Variants in ADAMTS12 observed in about 807,000 individuals in gnomAD.
ADAMTS12 encodes the protein ADAM metallopeptidase with thrombospondin type 1 motif 12.
Under a neutral mutation model 167.8 loss-of-function variants are expected in ADAMTS12, and 118 were observed. The ratio of observed to expected loss-of-function variants is 0.70; its 90% CI spans 0.61 to 0.82. The LOEUF (loss-of-function observed/expected upper bound fraction) is 0.82, where lower values mean the gene tolerates loss of function less well. ADAMTS12 is among the 40% of genes least tolerant of loss of function. The pLI is 0.00. For missense variants in ADAMTS12, 1,916 were observed against 1,998.8 expected, an observed-to-expected ratio of 0.96 and a Z score of 0.79; for synonymous variants, 704 against 716.9, an observed-to-expected ratio of 0.98 and a Z score of 0.29.
intron 2 of ADAMTS12, among the ~76,000 whole-genome samples, chr5:33,773,103 A>G (rs911389207): frequency 3.3e-5 from 5 of 152,136 alleles, no homozygotes; most frequent in Admixed American, 3.3e-4. Flanking sequence ...TGAACACATG[A>G]GCTGTTCTTG....
chr5:33,720,284 TCACACACACA>T (rs3071626), intron 3 of ADAMTS12, among the ~76,000 whole-genome samples: 1 of 147,800 alleles, frequency 6.8e-6, no homozygotes. Flanking sequence ...TCTCTCTCAC[TCACACACACA>T]CACACACACA....
intron 2 of ADAMTS12, among the ~76,000 whole-genome samples, chr5:33,788,387 G>C (rs899739631): frequency 6.6e-6 from 1 of 151,962 alleles, no homozygotes; most frequent in East Asian, 1.9e-4. Flanking sequence ...TGTACCAAGA[G>C]GGAACGAAAG....
At chr5:33,690,074 G>T (rs561716833) in intron 3 of ADAMTS12, among the ~76,000 whole-genome samples, 80 of 152,316 alleles carry the variant, frequency 5.3e-4, no homozygotes, top group African/African-American at 1.7e-3. Context: ...CCACACACTT[G>T]CACCCAGATC....
At chr5:33,731,405 C>T (rs1281984914) in intron 3 of ADAMTS12, among the ~76,000 whole-genome samples, 1 of 152,190 alleles carries the variant, frequency 6.6e-6, no homozygotes, top group African/African-American at 2.4e-5. Context: ...GCCATGTACA[C>T]AGCACAGGAG....
chr5:33,852,655 G>A (rs1411048284), intron 2 of ADAMTS12, among the ~76,000 whole-genome samples: 3 of 152,144 alleles, frequency 2.0e-5, no homozygotes, highest in African/African-American at 7.2e-5. Flanking sequence ...TTAGAGAAAC[G>A]GTCTGGTAGG....
intron 7 of ADAMTS12, among the ~76,000 whole-genome samples, chr5:33,650,610 T>C (rs976325722): frequency 7.9e-5 from 12 of 152,244 alleles, no homozygotes; most frequent in African/African-American, 2.7e-4. Context: ...TGTCACTTGG[T>C]CTGTTCCCTG....
At chr5:33,595,128 CCTT>C (rs1194906885) in intron 17 of ADAMTS12, among the ~76,000 whole-genome samples, 1 of 152,010 alleles carries the variant, frequency 6.6e-6, no homozygotes, top group Non-Finnish European at 1.5e-5. Flanking sequence ...TTCTTCTTCT[CCTT>C]CTTCCTCCTT....
intron 2 of ADAMTS12, among the ~76,000 whole-genome samples, chr5:33,865,601 C>T (rs1433588128): frequency 6.6e-6 from 1 of 152,114 alleles, no homozygotes; most frequent in Non-Finnish European, 1.5e-5. Flanking sequence ...CAACATACTA[C>T]TGGAAGTCCT....
chr5:33,882,127 A>C (rs916720026), intron 1 of ADAMTS12, among the ~76,000 whole-genome samples: 2 of 152,142 alleles, frequency 1.3e-5, no homozygotes. Context: ...AGAAAGACAA[A>C]TCACAGAGCT....
intron 3 of ADAMTS12, among the ~76,000 whole-genome samples, chr5:33,710,552 G>T (rs74926348): frequency 0.026 from 4,034 of 152,240 alleles, 171 homozygotes; most frequent in African/African-American, 0.091. Flanking sequence ...AAATGGAGAA[G>T]ATATCAGTGA....
At chr5:33,557,773 G>C (rs1424584706) in intron 20 of ADAMTS12, among the ~76,000 whole-genome samples, 1 of 152,130 alleles carries the variant, frequency 6.6e-6, no homozygotes, top group Non-Finnish European at 1.5e-5. Context: ...TGCACAGCAG[G>C]AGGTGAGCAT....
At chr5:33,775,447 C>T (rs1745882287) in intron 2 of ADAMTS12, among the ~76,000 whole-genome samples, 1 of 152,092 alleles carries the variant, frequency 6.6e-6, no homozygotes. Flanking sequence ...AGGAATAAAT[C>T]ATGTTTAATT....
At chr5:33,698,432 A>G (rs1363186901) in intron 3 of ADAMTS12, among the ~76,000 whole-genome samples, 1 of 152,186 alleles carries the variant, frequency 6.6e-6, no homozygotes, top group East Asian at 1.9e-4. Flanking sequence ...TTCCCAGAAT[A>G]AAAATATAAA....
At chr5:33,624,065 C>T (rs761663213) in intron 14 of ADAMTS12, among the ~76,000 whole-genome samples, 166 bp downstream of exon 14, 49 of 152,260 alleles carry the variant, frequency 3.2e-4, no homozygotes, top group Non-Finnish European at 1.9e-4. Context: ...CTACAACTGC[C>T]GAAGAACCCT....
At chr5:33,705,680 G>C (rs770656200) in intron 3 of ADAMTS12, among the ~76,000 whole-genome samples, 4 of 151,932 alleles carry the variant, frequency 2.6e-5, no homozygotes, top group Non-Finnish European at 5.9e-5. Context: ...CGTGGTGCTG[G>C]GCACCTGTAG....
rs1739538337 is a variant in ADAMTS12, at chr5:33,625,387, G to A, written c.2023-1036C>T. On this transcript the variant is annotated intron_variant, in intron 13 of 23. Coordinates refer to ENST00000504830, the MANE Select transcript of ADAMTS12 (RefSeq NM_030955.4). ...GGAAACAGGTGCCTTTAGTGACTAT[G>A]AGTAAAATGCCAGCCCTTCACAAGC... 2.0e-5 allele frequency among the ~76,000 whole-genome samples: 3 copies of A among 151,996 alleles called. No individual in the cohort carries two copies. The South Asian group carries it at 6.2e-4, about 32-fold the overall frequency.
Position 33,885,872 on chromosome 5 carries a change from G to A in ADAMTS12, c.128-4392C>T, listed in dbSNP as rs116813927. Among the ~76,000 whole-genome samples the A allele has an allele frequency of 6.7e-3, 1,020 of 152,302 alleles. 11 individuals are homozygous for A. The highest frequency in any genetic ancestry group is 0.023 in the African/African-American group (965 of 41,554). Reference sequence around the variant, plus strand: ...GTGTTAGCAGGAGGCAAGGATGTGAGAAAAAGCAGGCCAGGGTGGAGGCAG... The same window carrying A: ...GTGTTAGCAGGAGGCAAGGATGTGAAAAAAAGCAGGCCAGGGTGGAGGCAG... On this transcript the variant is annotated intron_variant, in intron 1 of 23. Coordinates refer to ENST00000504830, the MANE Select transcript of ADAMTS12 (RefSeq NM_030955.4).
intron 2 of ADAMTS12, among the ~76,000 whole-genome samples, chr5:33,852,579 T>C (rs1431019663): frequency 6.6e-6 from 1 of 152,178 alleles, no homozygotes; most frequent in Non-Finnish European, 1.5e-5. Flanking sequence ...TAGTTTATTG[T>C]CCTCCCAGCC....
chr5:33,763,243 G>A (rs1244715528), intron 2 of ADAMTS12, among the ~76,000 whole-genome samples: 6 of 152,042 alleles, frequency 3.9e-5, no homozygotes, highest in African/African-American at 9.7e-5. Flanking sequence ...CTTGAGATGG[G>A]GAAACTGTCC....
Sources: allele counts gnomAD v4.1 joint callset (sites outside exome capture counted in the v4.1 genomes callset), GRCh38; gene constraint gnomAD v4.1.1; transcripts MANE v1.5; gene names NCBI Gene and HGNC (gene_info 2026-07-23, HGNC 2026-07-21).